MAGI1: variants seen among roughly 807,000 people sequenced by gnomAD.
MAGI1 encodes membrane-associated guanylate kinase, WW and PDZ domain-containing protein 1.
MAGI1 carries 58 observed loss-of-function variants against 139.9 expected under a neutral mutation model. The observed-to-expected ratio is 0.41, with a 90% CI of 0.34 to 0.52. The LOEUF (loss-of-function observed/expected upper bound fraction) is 0.52. MAGI1 is among the 20% of genes least tolerant of loss of function. The probability of loss-of-function intolerance (pLI) is 0.12; values close to 1 mark genes in which losing one functional copy is unlikely to be tolerated. For missense variants in MAGI1, 1,874 were observed against 1,901.6 expected (o/e 0.99, Z 0.27); for synonymous variants, 812 against 737.9 (o/e 1.10, Z -1.63).
At chr3:66,005,072 T>TA (rs1486966558) in intron 1 of MAGI1, among the ~76,000 whole-genome samples, 2 of 152,214 alleles carry the variant, frequency 1.3e-5, no homozygotes, top group East Asian at 1.9e-4. Flanking sequence ...GACATCAAGA[T>TA]AAAATCTATG....
chr3:65,566,672 C>T (rs1442577952), intron 2 of MAGI1, among the ~76,000 whole-genome samples: 1 of 151,958 alleles, frequency 6.6e-6, no homozygotes, highest in African/African-American at 2.4e-5. Context: ...TAATTGTGTC[C>T]AAGAGTTTAG....
intron 1 of MAGI1, among the ~76,000 whole-genome samples, chr3:66,014,060 C>G (rs1247464270): frequency 1.3e-5 from 2 of 152,164 alleles, no homozygotes; most frequent in East Asian, 3.9e-4. Flanking sequence ...TAAACTACAC[C>G]AACGAGTCAC....
chr3:65,515,315 A>T (rs1003753504), intron 2 of MAGI1, among the ~76,000 whole-genome samples: 6 of 152,286 alleles, frequency 3.9e-5, no homozygotes, highest in East Asian at 3.9e-4. Context: ...ATAAAAAAAA[A>T]AGTTACATTT....
intron 1 of MAGI1, among the ~76,000 whole-genome samples, chr3:65,891,659 C>G (rs941326941): frequency 2.8e-5 from 4 of 142,802 alleles, no homozygotes; most frequent in Non-Finnish European, 6.0e-5. Context: ...CAGCAAAATA[C>G]TTGACAAGCA....
At chr3:65,525,063 C>A (rs1320951164) in intron 2 of MAGI1, among the ~76,000 whole-genome samples, 1 of 152,092 alleles carries the variant, frequency 6.6e-6, no homozygotes, top group Non-Finnish European at 1.5e-5. Context: ...GGCTCCAGCA[C>A]CCTCAGTCAT....
intron 1 of MAGI1, among the ~76,000 whole-genome samples, chr3:65,814,724 C>A (rs2108218382): frequency 6.6e-6 from 1 of 152,254 alleles, no homozygotes; most frequent in East Asian, 1.9e-4. Flanking sequence ...TCTTACAGAA[C>A]TCTTTTATAA....
In MAGI1 at chr3:65,913,121, C is replaced by T. The variant is rs141441336; in HGVS notation, c.313+124875G>A. Reference sequence around the variant, plus strand: ...AACCCTACTACAAAAATTAGCCAGGCGTGGTGGTGCACACCTGTAATCCCA... The same window carrying T: ...AACCCTACTACAAAAATTAGCCAGGTGTGGTGGTGCACACCTGTAATCCCA... On this transcript the variant is annotated intron_variant, in intron 1 of 22. Transcript: ENST00000402939. Among the ~76,000 whole-genome samples, 7 of 152,036 alleles carry T rather than the reference C, an allele frequency of 4.6e-5. No homozygotes were observed. The East Asian group carries it at 1.2e-3, about 25-fold the overall frequency.
intron 2 of MAGI1, among the ~76,000 whole-genome samples, chr3:65,568,292 ATT>A (rs746440674): frequency 2.6e-5 from 4 of 151,894 alleles, no homozygotes; most frequent in Non-Finnish European, 5.9e-5. Context: ...AAAATAAAAT[ATT>A]TTTTGACTGG....
chr3:65,416,083 G>A (rs904797300), intron 12 of MAGI1, among the ~76,000 whole-genome samples: 11 of 152,158 alleles, frequency 7.2e-5, no homozygotes, highest in African/African-American at 1.4e-4. Flanking sequence ...ACCTAAGAGC[G>A]TGTAGACCTA....
chr3:65,904,468 C>G lies in MAGI1; in HGVS notation c.313+133528G>C, dbSNP rs561298591. On this transcript the variant is annotated intron_variant, in intron 1 of 22. Coordinates refer to ENST00000402939, the MANE Select transcript of MAGI1 (RefSeq NM_001033057.2). ...TTAGAACAAAATCCAAAACCCTGACCACGGCCTTCAGGGCCCTGCGGCCCG... is the reference window on the plus strand; with the variant it reads ...TTAGAACAAAATCCAAAACCCTGACGACGGCCTTCAGGGCCCTGCGGCCCG... 1.2e-4 allele frequency among the ~76,000 whole-genome samples: 19 copies of G among 152,190 alleles called. No individual in the cohort carries two copies. The East Asian group carries it at 3.7e-3, about 29-fold the overall frequency.
rs529436278 is a variant in MAGI1 at position 65,585,564 on chromosome 3, T to A, written c.430+36408A>T. On this transcript the variant is annotated intron_variant, in intron 2 of 22. Transcript: ENST00000402939. ...AGCTTCTGTAACTCTTAGATGTTGC[T>A]GATGAAAATGAAAAATGGTACAGCC... 2.2e-3 allele frequency among the ~76,000 whole-genome samples: 342 copies of A among 152,284 alleles called. 2 individuals carry two copies. Among genetic ancestry groups the A allele is most frequent in the African/African-American group, 7.6e-3 (315 of 41,574 alleles).
At chr3:65,722,325 C>T (rs1374596773) in intron 1 of MAGI1, among the ~76,000 whole-genome samples, 1 of 152,000 alleles carries the variant, frequency 6.6e-6, no homozygotes, top group Non-Finnish European at 1.5e-5. Context: ...AGAAGCCGGA[C>T]AATAAAAAAA....
intron 1 of MAGI1, among the ~76,000 whole-genome samples, chr3:65,774,513 T>C (rs532281353): frequency 6.6e-6 from 1 of 152,144 alleles, no homozygotes; most frequent in Non-Finnish European, 1.5e-5. Flanking sequence ...TGGAAAAGAA[T>C]TCATAATAAG....
intron 1 of MAGI1, among the ~76,000 whole-genome samples, chr3:65,885,836 C>T (rs144347690): frequency 3.3e-5 from 5 of 152,200 alleles, no homozygotes; most frequent in Non-Finnish European, 7.4e-5. Context: ...AGCGTGAGAA[C>T]GAACTAACAC....
intron 1 of MAGI1, among the ~76,000 whole-genome samples, chr3:65,917,779 G>A (rs1046706088): frequency 6.6e-6 from 1 of 152,162 alleles, no homozygotes; most frequent in Non-Finnish European, 1.5e-5. Flanking sequence ...TTAGGGGAGT[G>A]GGGAGATAAA....
chr3:65,816,877 T>C (rs1419506092), intron 1 of MAGI1, among the ~76,000 whole-genome samples: 1 of 152,182 alleles, frequency 6.6e-6, no homozygotes, highest in Non-Finnish European at 1.5e-5. Context: ...GTCAAAAGAA[T>C]CTCTTCTTTC....
At chr3:65,675,194 T>C (rs2087112044) in intron 1 of MAGI1, among the ~76,000 whole-genome samples, 1 of 152,154 alleles carries the variant, frequency 6.6e-6, no homozygotes, top group Non-Finnish European at 1.5e-5. Context: ...ATTATGATAT[T>C]CATTTACGTG....
At chr3:65,547,761 C>T (rs2079573407) in intron 2 of MAGI1, among the ~76,000 whole-genome samples, 1 of 152,100 alleles carries the variant, frequency 6.6e-6, no homozygotes, top group African/African-American at 2.4e-5. Flanking sequence ...GAGCTGATAG[C>T]AGTGTTTGCC....
intron 1 of MAGI1, among the ~76,000 whole-genome samples, chr3:65,919,630 G>T (rs559893320): frequency 6.6e-6 from 1 of 151,478 alleles, no homozygotes; most frequent in Non-Finnish European, 1.5e-5. Context: ...CACAAGAGAA[G>T]GTATCAGGAG....
Sources: gnomAD v4.1 joint callset for allele counts (sites outside exome capture counted in the v4.1 genomes callset) on GRCh38, gnomAD v4.1.1 for gene constraint, MANE v1.5 for transcripts, NCBI Gene and HGNC (gene_info 2026-07-23, HGNC 2026-07-21) for gene names.